Variants in IQGAP2 observed in about 807,000 individuals in gnomAD.
IQGAP2 encodes the protein IQ motif containing GTPase activating protein 2, also known as ras GTPase-activating-like protein IQGAP2.
A neutral mutation model predicts 201.3 loss-of-function variants in IQGAP2; 173 were observed. That is an observed-to-expected ratio of 0.86 (90% confidence interval 0.76 to 0.98). The LOEUF (loss-of-function observed/expected upper bound fraction) is 0.98, where lower values mean the gene tolerates loss of function less well. Among genes scored for constraint, IQGAP2 ranks in the 50% least tolerant of loss-of-function variants. The pLI is 0.00. For synonymous variants in IQGAP2, 675 were observed against 673.9 expected, an observed-to-expected ratio of 1.00 and a Z score of -0.03; for missense variants, 1,687 against 1,864.8, an observed-to-expected ratio of 0.90 and a Z score of 1.76.
intron 13 of IQGAP2, among the ~76,000 whole-genome samples, chr5:76,626,495 T>G (rs1387237710): frequency 6.6e-6 from 1 of 152,054 alleles, no homozygotes; most frequent in Admixed American, 6.5e-5. Flanking sequence ...GGTCTCGAAC[T>G]CCTGACCTCA....
intron 2 of IQGAP2, among the ~76,000 whole-genome samples, chr5:76,493,061 C>T (rs541038221): frequency 2.0e-5 from 3 of 152,120 alleles, no homozygotes; most frequent in Non-Finnish European, 2.9e-5. Flanking sequence ...GTCACTTAAC[C>T]GGACATCTCC....
rs150458756 is a variant in IQGAP2 at position 76,664,389 on chromosome 5, G to A, written c.2530-637G>A. Among the ~76,000 whole-genome samples, 284 of 152,230 alleles carry A rather than the reference G, an allele frequency of 1.9e-3. 4 individuals are homozygous for A. Among genetic ancestry groups the A allele is most frequent in the Admixed American group, 0.012 (184 of 15,280 alleles). The stretch of plus-strand genomic sequence containing the variant: ...CCAAAACAATTACAATAGTAACATC[G>A]AAGATCACTGATAGGCTGGGCACGG... On this transcript the variant is annotated intron_variant, in intron 21 of 35. Transcript: ENST00000274364.
intron 35 of IQGAP2, among the ~76,000 whole-genome samples, chr5:76,706,657 T>C (rs1747931457): frequency 6.6e-6 from 1 of 152,222 alleles, no homozygotes; most frequent in African/African-American, 2.4e-5. Flanking sequence ...CAGAAAACAC[T>C]GCTTTCTAAA....
chr5:76,530,207 A>G (rs1288925202), intron 2 of IQGAP2, among the ~76,000 whole-genome samples: 2 of 152,152 alleles, frequency 1.3e-5, no homozygotes, highest in African/African-American at 4.8e-5. Flanking sequence ...TTTCATGTAA[A>G]CTAATGTGTT....
At chr5:76,658,389 C>T (rs535111925) in intron 20 of IQGAP2, 70 bp from the exon 21 acceptor site, 19 of 1,265,838 alleles carry the variant, frequency 1.5e-5, no homozygotes, top group Admixed American at 1.4e-4. Context: ...TATTTAAGAC[C>T]TTGTTTCTTT....
Position 76,701,169 on chromosome 5 carries a change from T to C in IQGAP2, c.4461T>C (p.His1487=), listed in dbSNP as rs752852157. Residue 1487 remains histidine, a synonymous_variant, in exon 34 of 36, where the codon CAT becomes CAC. Coordinates refer to ENST00000274364, the MANE Select transcript of IQGAP2 (RefSeq NM_006633.5). ...KPVKYTAAKL[H]EKGVLLDIDD... is the part of the protein sequence containing the mutation. The stretch of plus-strand genomic sequence containing the variant: ...TGAAGTACACTGCAGCAAAGCTGCA[T>C]GAGAAAGGTGTCCTGCTAGATATAG... The C allele has an allele frequency of 6.2e-7, 1 of 1,611,970 alleles. No individual in the cohort carries two copies. The highest frequency in any genetic ancestry group is 1.1e-5 in the South Asian group (1 of 91,034).
chr5:76,614,778 T>C (rs1395395858), intron 13 of IQGAP2, among the ~76,000 whole-genome samples: 1 of 141,446 alleles, frequency 7.1e-6, no homozygotes, highest in Non-Finnish European at 1.5e-5. Context: ...CCTAGAAGTT[T>C]CCAGTTGTGT....
At chr5:76,438,741 C>G (rs895377988) in intron 1 of IQGAP2, among the ~76,000 whole-genome samples, 2 of 152,080 alleles carry the variant, frequency 1.3e-5, no homozygotes, top group African/African-American at 4.8e-5. Flanking sequence ...CCGTGCCTGG[C>G]CTTCATTTTC....
Position 76,652,795 on chromosome 5 carries a change from C to T in IQGAP2, c.2140C>T (p.Arg714Trp), listed in dbSNP as rs35366349. Residue 714 changes from arginine (R) to tryptophan (W), a missense_variant, in exon 18 of 36, where the codon CGG (arginine) becomes TGG (tryptophan). Physicochemically the swap from Arg to Trp is moderately radical, Grantham distance 101. Transcript: ENST00000274364. ...YKQRKEYMHR[R>W]QTFIDNTDSI... Reference sequence around the variant, plus strand: ...ACAACGGAAGGAGTATATGCACAGGCGGCAAACGTTCATTGATAATACTGA... The same window carrying T: ...ACAACGGAAGGAGTATATGCACAGGTGGCAAACGTTCATTGATAATACTGA... 2,470 of 1,610,800 alleles carry T rather than the reference C, an allele frequency of 1.5e-3. 28 individuals carry two copies. In the African/African-American group the frequency reaches 0.029, roughly 19 times the overall value.
intron 25 of IQGAP2, 144 bp downstream of exon 25, chr5:76,673,733 A>G (rs972253657): frequency 2.2e-6 from 2 of 895,674 alleles, no homozygotes; most frequent in African/African-American, 1.7e-5. Context: ...TTACCTTTTA[A>G]ATTCCTGACT....
chr5:76,653,044 A>G (rs1237823356), intron 18 of IQGAP2, among the ~76,000 whole-genome samples: 1 of 152,206 alleles, frequency 6.6e-6, no homozygotes, highest in Non-Finnish European at 1.5e-5. Flanking sequence ...CAAGTCCTTT[A>G]TGAGTGGTTA....
At chr5:76,697,514 C>T (rs538101409) in intron 32 of IQGAP2, among the ~76,000 whole-genome samples, 2 of 152,096 alleles carry the variant, frequency 1.3e-5, no homozygotes, top group East Asian at 1.9e-4. Flanking sequence ...CATATTGGCA[C>T]GGGCCTGCAG....
chr5:76,478,914 G>T (rs991414168), intron 2 of IQGAP2, among the ~76,000 whole-genome samples: 1 of 152,096 alleles, frequency 6.6e-6, no homozygotes, highest in Non-Finnish European at 1.5e-5. Flanking sequence ...TTAATTTTCT[G>T]TACCTAGTTC....
At chr5:76,607,572 C>CGGCTT (rs1747904085) in intron 12 of IQGAP2, 1 of 152,160 alleles carries the variant, frequency 6.6e-6, no homozygotes, top group South Asian at 2.1e-4. Context: ...TGCGGTGAGA[C>CGGCTT]GGCTTGCTCA....
intron 10 of IQGAP2, 51 bp from the exon 11 acceptor site, chr5:76,600,761 A>C: frequency 6.3e-7 from 1 of 1,595,438 alleles, no homozygotes; most frequent in Non-Finnish European, 8.6e-7. Context: ...TCCATCATGC[A>C]CATGAGGTGT....
At chr5:76,502,223 G>C (rs996838173) in intron 2 of IQGAP2, among the ~76,000 whole-genome samples, 2 of 152,090 alleles carry the variant, frequency 1.3e-5, no homozygotes, top group Non-Finnish European at 2.9e-5. Flanking sequence ...GGCATCCTTG[G>C]GCACATTCTG....
At chr5:76,416,614 G>A (rs982108085) in intron 1 of IQGAP2, among the ~76,000 whole-genome samples, 4 of 150,646 alleles carry the variant, frequency 2.7e-5, no homozygotes, top group East Asian at 3.9e-4. Context: ...TGCAGTCTCC[G>A]CCTCCCGTGT....
chr5:76,554,229 A>C (rs972524922), intron 2 of IQGAP2, among the ~76,000 whole-genome samples: 1 of 152,204 alleles, frequency 6.6e-6, no homozygotes, highest in African/African-American at 2.4e-5. Flanking sequence ...GACCTAAACT[A>C]TGAGATAAAA....
intron 9 of IQGAP2, 194 bp from the exon 10 acceptor site, chr5:76,597,245 C>T (rs911524655): frequency 1.7e-6 from 1 of 595,772 alleles, no homozygotes. Flanking sequence ...CTTGTAGGCA[C>T]TAATTCCAAA....
Sources: allele counts gnomAD v4.1 joint callset (sites outside exome capture counted in the v4.1 genomes callset), GRCh38; gene constraint gnomAD v4.1.1; transcripts MANE v1.5; gene names NCBI Gene and HGNC (gene_info 2026-07-23, HGNC 2026-07-21).